BTBD9: variants seen among roughly 807,000 people sequenced by gnomAD.
BTBD9 encodes the protein BTB/POZ domain-containing protein 9.
A neutral mutation model predicts 64.3 loss-of-function variants in BTBD9; 49 were observed. That is an observed-to-expected ratio of 0.76 (90% CI 0.61 to 0.97). The LOEUF is 0.97. Among genes scored for constraint, BTBD9 ranks in the 50% least tolerant of loss-of-function variants. The pLI, the probability that BTBD9 is intolerant of heterozygous loss-of-function variation, is 0.00. For synonymous variants in BTBD9, 260 were observed against 274.7 expected, an observed-to-expected ratio of 0.95 and a Z score of 0.53; for missense variants, 598 against 762.1, an observed-to-expected ratio of 0.78 and a Z score of 2.53.
chr6:38,236,218 A>G (rs1763773427), intron 9 of BTBD9, among the ~76,000 whole-genome samples: 1 of 152,224 alleles, frequency 6.6e-6, no homozygotes, highest in Non-Finnish European at 1.5e-5. Context: ...TTTTCCAAAT[A>G]CAATGGAGAC....
At chr6:38,430,386 T>G (rs60871773) in intron 6 of BTBD9, among the ~76,000 whole-genome samples, 2,055 of 151,500 alleles carry the variant, frequency 0.014, 96 homozygotes, top group African/African-American at 0.048. Flanking sequence ...CACACCCAAC[T>G]TATGTTTTAT....
intron 6 of BTBD9, among the ~76,000 whole-genome samples, chr6:38,536,917 G>A (rs1774045329): frequency 1.3e-5 from 2 of 152,058 alleles, no homozygotes; most frequent in Admixed American, 1.3e-4. Context: ...GCACAATAGG[G>A]TGACTACAGT....
intron 6 of BTBD9, among the ~76,000 whole-genome samples, chr6:38,513,320 T>C (rs943630923): frequency 1.3e-5 from 2 of 151,952 alleles, no homozygotes; most frequent in East Asian, 1.9e-4. Context: ...TGGTGGTGCA[T>C]GCCTATAGTC....
chr6:38,571,997 A>AC (rs1562357354), intron 6 of BTBD9, among the ~76,000 whole-genome samples: 40 of 135,522 alleles, frequency 3.0e-4, no homozygotes, highest in African/African-American at 5.4e-4. Flanking sequence ...CACACACACA[A>AC]AACCAAAAAC....
In BTBD9 at chr6:38,491,416, T is replaced by C. The variant is rs146693492; in HGVS notation, c.1154+86184A>G. Among the ~76,000 whole-genome samples, 1,186 of 152,334 alleles carry C rather than the reference T, an allele frequency of 7.8e-3. 15 individuals are homozygous for C. Among genetic ancestry groups the C allele is most frequent in the Non-Finnish European group, 0.01 (702 of 68,028 alleles). On this transcript the variant is annotated intron_variant, in intron 6 of 10. Coordinates refer to ENST00000481247, the MANE Select transcript of BTBD9 (RefSeq NM_001099272.2). Reference sequence around the variant, plus strand: ...ACATTAATGAGCTAAAGTCCTTACCTACCATTGCTAACTAACTAGTATTTT... The same window carrying C: ...ACATTAATGAGCTAAAGTCCTTACCCACCATTGCTAACTAACTAGTATTTT...
At chr6:38,300,171 T>C (rs1227084409) in intron 7 of BTBD9, among the ~76,000 whole-genome samples, 1 of 152,214 alleles carries the variant, frequency 6.6e-6, no homozygotes, top group Non-Finnish European at 1.5e-5. Flanking sequence ...TAGTTGTAGA[T>C]ATGCAGCATT....
At chr6:38,255,646 T>A (rs1001845410) in intron 9 of BTBD9, among the ~76,000 whole-genome samples, 1 of 152,130 alleles carries the variant, frequency 6.6e-6, no homozygotes, top group Non-Finnish European at 1.5e-5. Context: ...TCTGTTTGCA[T>A]GTGGAGAAAT....
chr6:38,207,682 A>T (rs867903071), intron 9 of BTBD9, among the ~76,000 whole-genome samples: 1 of 150,098 alleles, frequency 6.7e-6, no homozygotes, highest in East Asian at 1.9e-4. Context: ...ACCTTGAAGG[A>T]AAAAAAAAAG....
At chr6:38,404,874 A>G (rs1767096182) in intron 6 of BTBD9, among the ~76,000 whole-genome samples, 1 of 152,214 alleles carries the variant, frequency 6.6e-6, no homozygotes, top group South Asian at 2.1e-4. Context: ...ATTCTGTCAG[A>G]AAAGAGACAA....
At chr6:38,372,102 T>C (rs572950970) in intron 6 of BTBD9, among the ~76,000 whole-genome samples, 1 of 152,316 alleles carries the variant, frequency 6.6e-6, no homozygotes, top group Non-Finnish European at 1.5e-5. Flanking sequence ...ATGCACATAA[T>C]TCACCATCTC....
At chr6:38,617,055 G>A (rs1008811068) in intron 1 of BTBD9, among the ~76,000 whole-genome samples, 7 of 152,090 alleles carry the variant, frequency 4.6e-5, no homozygotes, top group African/African-American at 1.7e-4. Context: ...GCTAAACACT[G>A]GGCACCTGTC....
intron 6 of BTBD9, among the ~76,000 whole-genome samples, chr6:38,353,452 G>A (rs923384684): frequency 7.9e-5 from 12 of 151,990 alleles, no homozygotes; most frequent in Non-Finnish European, 1.6e-4. Context: ...AGAAAGAGAG[G>A]AGCAAGGGAG....
chr6:38,307,948 T>C (rs1039462762), intron 7 of BTBD9, among the ~76,000 whole-genome samples: 3 of 152,136 alleles, frequency 2.0e-5, no homozygotes, highest in Admixed American at 1.3e-4. Context: ...AGAAGTGAGG[T>C]GATGTGGCAA....
intron 6 of BTBD9, among the ~76,000 whole-genome samples, chr6:38,466,788 G>A (rs1332217715): frequency 6.6e-6 from 1 of 152,114 alleles, no homozygotes; most frequent in Non-Finnish European, 1.5e-5. Flanking sequence ...ATGTTGGCCA[G>A]GCTGGTATCG....
At chr6:38,354,015 G>A (rs1764623720) in intron 6 of BTBD9, among the ~76,000 whole-genome samples, 2 of 151,856 alleles carry the variant, frequency 1.3e-5, no homozygotes, top group Non-Finnish European at 2.9e-5. Flanking sequence ...TTTTCTTTTA[G>A]AGTAGAGAGT....
chr6:38,247,963 T>C (rs1764268244), intron 9 of BTBD9, among the ~76,000 whole-genome samples: 1 of 152,178 alleles, frequency 6.6e-6, no homozygotes, highest in Non-Finnish European at 1.5e-5. Context: ...TAAAGTGTTT[T>C]TAGATTTTAA....
At chr6:38,272,750 C>T (rs1234238815) in intron 8 of BTBD9, among the ~76,000 whole-genome samples, 1 of 152,076 alleles carries the variant, frequency 6.6e-6, no homozygotes, top group African/African-American at 2.4e-5. Flanking sequence ...GATGGTTTAT[C>T]TATTTCTAAC....
chr6:38,581,724 C>G (rs1050545491), intron 4 of BTBD9, among the ~76,000 whole-genome samples: 6 of 152,196 alleles, frequency 3.9e-5, no homozygotes, highest in African/African-American at 1.4e-4. Context: ...GAAGAAGTTT[C>G]CCTCTCTCAA....
chr6:38,488,776 T>C (rs192268220), intron 6 of BTBD9, among the ~76,000 whole-genome samples: 23 of 152,304 alleles, frequency 1.5e-4, no homozygotes, highest in Middle Eastern at 3.4e-3. Flanking sequence ...ACATTCATTA[T>C]AGAATTTTCA....
Sources: gnomAD v4.1 joint callset for allele counts (sites outside exome capture counted in the v4.1 genomes callset) on GRCh38, gnomAD v4.1.1 for gene constraint, MANE v1.5 for transcripts, NCBI Gene and HGNC (gene_info 2026-07-23, HGNC 2026-07-21) for gene names.